Variants in SLC35D4 observed in about 807,000 individuals in gnomAD.
SLC35D4 encodes UDP-N-acetylglucosamine transporter SLC35D4.
the SLC35D4 span, among the ~76,000 whole-genome samples, chr18:23,301,576 A>C: frequency 1.3e-5 from 2 of 152,254 alleles, no homozygotes; most frequent in African/African-American, 2.4e-5. Context: ...ATAAACAGCG[A>C]TCAATGGCAA....
chr18:23,392,851 C>T, the SLC35D4 span, among the ~76,000 whole-genome samples: 1 of 152,186 alleles, frequency 6.6e-6, no homozygotes, highest in Non-Finnish European at 1.5e-5. Context: ...AGTAAGAACA[C>T]ATTATCACCC....
chr18:23,244,315 CAGAG>C, the SLC35D4 span, among the ~76,000 whole-genome samples: 1 of 152,232 alleles, frequency 6.6e-6, no homozygotes, highest in Non-Finnish European at 1.5e-5. Flanking sequence ...AAACCTGAAG[CAGAG>C]AGAGCTTTTC....
At chr18:23,343,320 G>A in the SLC35D4 span, among the ~76,000 whole-genome samples, 2 of 151,538 alleles carry the variant, frequency 1.3e-5, no homozygotes, top group African/African-American at 4.9e-5. Context: ...GTGCAATGGC[G>A]TGATCTTGGC....
chr18:23,433,701 A>G, the SLC35D4 span, among the ~76,000 whole-genome samples: 1 of 152,176 alleles, frequency 6.6e-6, no homozygotes, highest in Non-Finnish European at 1.5e-5. Flanking sequence ...ATTCTTTCAA[A>G]CAATAGAAGG....
At chr18:23,371,987 G>C in the SLC35D4 span, among the ~76,000 whole-genome samples, 3 of 115,282 alleles carry the variant, frequency 2.6e-5, no homozygotes, top group Non-Finnish European at 5.1e-5. Flanking sequence ...CCAGGCTGGA[G>C]TGCAGTGGCG....
At chr18:23,300,101 C>T in the SLC35D4 span, among the ~76,000 whole-genome samples, 1 of 152,140 alleles carries the variant, frequency 6.6e-6, no homozygotes, top group Non-Finnish European at 1.5e-5. Context: ...AAGCTGGGAG[C>T]CTGCTTGTCC....
chr18:23,390,522 C>T, the SLC35D4 span, among the ~76,000 whole-genome samples: 1 of 152,186 alleles, frequency 6.6e-6, no homozygotes, highest in African/African-American at 2.4e-5. Context: ...TTCATCCATG[C>T]ACCGTTGAAA....
At chr18:23,421,463 A>C in the SLC35D4 span, 2 of 1,613,460 alleles carry the variant, frequency 1.2e-6, no homozygotes, top group Non-Finnish European at 1.7e-6. Context: ...GACAAGGGGC[A>C]ATGTGAATTT....
the SLC35D4 span, among the ~76,000 whole-genome samples, chr18:23,299,481 G>A: frequency 7.2e-5 from 11 of 152,268 alleles, no homozygotes; most frequent in Non-Finnish European, 1.0e-4. Flanking sequence ...ATTCACATGC[G>A]TCTCCATGGG....
chr18:23,426,765 C>T, the SLC35D4 span, among the ~76,000 whole-genome samples: 1 of 152,322 alleles, frequency 6.6e-6, no homozygotes, highest in Admixed American at 6.5e-5. Flanking sequence ...TGACTTCAAA[C>T]TATACTACAA....
the SLC35D4 span, among the ~76,000 whole-genome samples, chr18:23,418,108 A>C: frequency 6.6e-6 from 1 of 152,174 alleles, no homozygotes; most frequent in African/African-American, 2.4e-5. Flanking sequence ...ATAAAATCCC[A>C]AAAATATCTT....
the SLC35D4 span, among the ~76,000 whole-genome samples, chr18:23,311,396 C>CT: frequency 2.9e-4 from 42 of 146,628 alleles, no homozygotes; most frequent in South Asian, 1.1e-3. Context: ...CCTGGCCCTT[C>CT]TTTTTTTTTT....
the SLC35D4 span, among the ~76,000 whole-genome samples, chr18:23,387,408 G>A: frequency 5.3e-5 from 8 of 152,122 alleles, 1 homozygote; most frequent in Non-Finnish European, 1.2e-4. Flanking sequence ...CAAGAGGAAC[G>A]ACCCAAATAC....
chr18:23,395,343 T>C, the SLC35D4 span, among the ~76,000 whole-genome samples: 1 of 152,238 alleles, frequency 6.6e-6, no homozygotes, highest in Non-Finnish European at 1.5e-5. Context: ...ATGGGTTTAA[T>C]GATCCATATG....
At chr18:23,252,893 T>C in the SLC35D4 span, 1 of 1,061,624 alleles carries the variant, frequency 9.4e-7, no homozygotes, top group Non-Finnish European at 1.5e-6. Flanking sequence ...TTGGTCGTAG[T>C]TGGTGCATAA....
At chr18:23,241,535 A>G in the SLC35D4 span, among the ~76,000 whole-genome samples, 1 of 152,222 alleles carries the variant, frequency 6.6e-6, no homozygotes, top group Admixed American at 6.5e-5. Context: ...TCTCAAAAAA[A>G]TAAAAATAAA....
chr18:23,297,289 G>A, the SLC35D4 span: 1 of 152,182 alleles, frequency 6.6e-6, no homozygotes, highest in South Asian at 2.1e-4. Flanking sequence ...TGAGGCCAAG[G>A]TGGGAGGATT....
chr18:23,279,293 C>G, the SLC35D4 span, among the ~76,000 whole-genome samples: 1 of 152,184 alleles, frequency 6.6e-6, no homozygotes, highest in Non-Finnish European at 1.5e-5. Context: ...CAACTGTCCC[C>G]AACATCTCCC....
chr18:23,308,554 T>C, the SLC35D4 span, among the ~76,000 whole-genome samples: 3 of 152,086 alleles, frequency 2.0e-5, no homozygotes, highest in Non-Finnish European at 4.4e-5. Context: ...TATCCTACCA[T>C]GTCTCCCCAC....
Sources: allele counts gnomAD v4.1 joint callset (sites outside exome capture counted in the v4.1 genomes callset), GRCh38; gene constraint gnomAD v4.1.1; transcripts MANE v1.5; gene names NCBI Gene and HGNC (gene_info 2026-07-23, HGNC 2026-07-21).